The following SLC35F3 variants were observed in gnomAD, a reference collection of about 807,000 sequenced individuals.
SLC35F3 encodes the protein solute carrier family 35 member F3.
Under a neutral mutation model 49.9 loss-of-function variants are expected in SLC35F3, and 25 were observed. The observed-to-expected ratio is 0.50, with a 90% CI of 0.37 to 0.70. The LOEUF (loss-of-function observed/expected upper bound fraction) is 0.70, where lower values mean the gene tolerates loss of function less well. SLC35F3 is among the 30% of genes least tolerant of loss of function. The pLI, the probability that SLC35F3 is intolerant of heterozygous loss-of-function variation, is 0.00. For missense variants in SLC35F3, 525 were observed against 639.8 expected, an observed-to-expected ratio of 0.82 and a Z score of 1.94; for synonymous variants, 275 against 265.4, an observed-to-expected ratio of 1.04 and a Z score of -0.35.
chr1:234,078,816 A>T (rs1002029280), intron 2 of SLC35F3, among the ~76,000 whole-genome samples: 3 of 152,240 alleles, frequency 2.0e-5, no homozygotes, highest in African/African-American at 7.2e-5. Flanking sequence ...AAGGAAAAGC[A>T]GTCACTGAAC....
rs1183230091 is a variant in SLC35F3, at chr1:234,098,288, A to ATGG, written c.284-133124_284-133122dup. Among the ~76,000 whole-genome samples, 109 of 95,160 alleles carry ATGG rather than the reference A, an allele frequency of 1.1e-3. 1 individual carries two copies. In the South Asian group the frequency reaches 0.015, roughly 13 times the overall value. The allele number at this position is 95,160 out of a possible 152,430, so 62.4% of individuals were successfully genotyped here. On this transcript the variant is annotated intron_variant, in intron 2 of 7. Transcript: ENST00000366618. Reference sequence around the variant, plus strand: ...GGTGGTGGTGGTGGTGGCAGTTCAGATGGTGGTAGTGATGGTGTTATAGGG... The same window carrying ATGG: ...GGTGGTGGTGGTGGTGGCAGTTCAGATGGTGGTGGTAGTGATGGTGTTATAGGG...
intron 2 of SLC35F3, among the ~76,000 whole-genome samples, chr1:234,193,128 A>C (rs1410868960): frequency 6.6e-6 from 1 of 152,218 alleles, no homozygotes; most frequent in African/African-American, 2.4e-5. Context: ...AAGAGCTCAC[A>C]TAGCCAAAGC....
intron 2 of SLC35F3, among the ~76,000 whole-genome samples, chr1:234,135,517 A>G (rs1665797632): frequency 6.6e-6 from 1 of 152,196 alleles, no homozygotes; most frequent in South Asian, 2.1e-4. Context: ...GACCCAGCAT[A>G]TATGGTCATA....
chr1:233,908,111 G>C (rs1661805393), intron 2 of SLC35F3, among the ~76,000 whole-genome samples: 1 of 151,796 alleles, frequency 6.6e-6, no homozygotes, highest in South Asian at 2.1e-4. Flanking sequence ...TTACCTGTAG[G>C]TATCACCTAG....
chr1:234,119,566 CT>C (rs1665542716), intron 2 of SLC35F3, among the ~76,000 whole-genome samples: 1 of 152,136 alleles, frequency 6.6e-6, no homozygotes, highest in Non-Finnish European at 1.5e-5. Flanking sequence ...ATAGGCTGAG[CT>C]GAAAGGAAAA....
chr1:234,130,888 T>G (rs959714761), intron 2 of SLC35F3, among the ~76,000 whole-genome samples: 7 of 152,118 alleles, frequency 4.6e-5, no homozygotes, highest in African/African-American at 1.4e-4. Flanking sequence ...TTAGTCATAA[T>G]AGTTAAAACG....
At chr1:234,146,831 T>C (rs1469379437) in intron 2 of SLC35F3, among the ~76,000 whole-genome samples, 3 of 152,118 alleles carry the variant, frequency 2.0e-5, no homozygotes, top group Non-Finnish European at 4.4e-5. Context: ...TCTTTCCATA[T>C]GTCTTTCAGT....
intron 2 of SLC35F3, among the ~76,000 whole-genome samples, chr1:234,189,034 C>T (rs973822805): frequency 7.2e-5 from 11 of 152,106 alleles, no homozygotes; most frequent in African/African-American, 2.7e-4. Flanking sequence ...GGGAGCACCC[C>T]ATGGGACAAA....
intron 2 of SLC35F3, among the ~76,000 whole-genome samples, chr1:233,994,665 A>G (rs1210860475): frequency 6.6e-6 from 1 of 152,208 alleles, no homozygotes; most frequent in African/African-American, 2.4e-5. Context: ...GATTACATCT[A>G]GAGAGGTTTC....
chr1:234,041,646 C>G (rs1664223082), intron 2 of SLC35F3, among the ~76,000 whole-genome samples: 1 of 152,136 alleles, frequency 6.6e-6, no homozygotes. Flanking sequence ...CTTGCAAATA[C>G]TCTTCTAATC....
chr1:234,137,665 G>A (rs1426568198), intron 2 of SLC35F3, among the ~76,000 whole-genome samples: 1 of 152,202 alleles, frequency 6.6e-6, no homozygotes, highest in African/African-American at 2.4e-5. Flanking sequence ...TTAGTTACAT[G>A]CTCAGGGAAG....
intron 2 of SLC35F3, among the ~76,000 whole-genome samples, chr1:234,220,308 G>C (rs1667184364): frequency 6.6e-6 from 1 of 152,006 alleles, no homozygotes; most frequent in Non-Finnish European, 1.5e-5. Context: ...GTGTGTGTGT[G>C]TGCTCATGTG....
At chr1:233,994,859 C>A (rs1350767205) in intron 2 of SLC35F3, among the ~76,000 whole-genome samples, 6 of 151,552 alleles carry the variant, frequency 4.0e-5, no homozygotes, top group African/African-American at 1.2e-4. Context: ...AAAAAAAAAA[C>A]CCAAACCAAA....
intron 3 of SLC35F3, chr1:234,274,397 A>T (rs1490172202): frequency 2.6e-5 from 4 of 152,266 alleles, no homozygotes; most frequent in Non-Finnish European, 5.9e-5. Context: ...ACCAAATGGT[A>T]TAAGACATGG....
rs537151556 is a variant in SLC35F3, at chr1:234,051,435, CTGTT to C, written c.283+145681_283+145684del. Among the ~76,000 whole-genome samples the C allele has an allele frequency of 1.6e-3, 246 of 152,226 alleles. 1 individual carries two copies. Among genetic ancestry groups the C allele is most frequent in the African/African-American group, 5.5e-3 (230 of 41,532 alleles). ...GGGAGTTCACTCATGATTTGGCTCT[CTGTT>C]TGTCTGTTATTGGTGTATAGGAATG... On this transcript the variant is annotated intron_variant, in intron 2 of 7. Transcript: ENST00000366618.
intron 3 of SLC35F3, among the ~76,000 whole-genome samples, chr1:234,266,270 A>G (rs998496818): frequency 1.3e-5 from 2 of 152,258 alleles, no homozygotes; most frequent in African/African-American, 2.4e-5. Context: ...GAAAATGGGC[A>G]AAAGATTTTG....
Position 234,320,709 on chromosome 1 carries a change from G to T in SLC35F3, c.1237+522G>T, listed in dbSNP as rs557674472. 6.6e-6 allele frequency among the ~76,000 whole-genome samples: 1 copy of T among 152,286 alleles called. No individual in the cohort carries two copies. Among genetic ancestry groups the T allele is most frequent in the Admixed American group, 6.5e-5 (1 of 15,300 alleles). On this transcript the variant is annotated intron_variant, in intron 7 of 7. Transcript: ENST00000366618. The surrounding 1 kb of genome is among the most constrained non-coding windows in gnomAD (Gnocchi z 4.8). Reference sequence around the variant, plus strand: ...TTTTCCCTGACCTCCGGGAAGACAGGGAGAGAACGCCCTTTGCCCAGGAAC... The same window carrying T: ...TTTTCCCTGACCTCCGGGAAGACAGTGAGAGAACGCCCTTTGCCCAGGAAC...
Position 234,231,448 on chromosome 1 carries a change from G to C in SLC35F3, c.315G>C (p.Pro105=). The C allele has an allele frequency of 6.2e-7, 1 of 1,604,726 alleles. No individual in the cohort carries two copies. The highest frequency in any genetic ancestry group is 8.5e-7 in the Non-Finnish European group (1 of 1,175,540). Residue 105 remains proline (P), a synonymous_variant, in exon 3 of 8, where the codon CCG becomes CCC. Transcript: ENST00000366618. This position sits in a 1 kb window ranked among gnomAD's most constrained non-coding sequence, Gnocchi z 5.4. The part of the protein sequence containing the change: ...REERPRDSPG[P]AEAQAPAGVE... ...AGCGCCCCCGGGACTCCCCGGGCCCGGCGGAGGCCCAGGCACCGGCCGGGG... is the reference window on the plus strand; with the variant it reads ...AGCGCCCCCGGGACTCCCCGGGCCCCGCGGAGGCCCAGGCACCGGCCGGGG...
At chr1:234,186,776 C>A (rs113319990) in intron 2 of SLC35F3, among the ~76,000 whole-genome samples, 1 of 152,114 alleles carries the variant, frequency 6.6e-6, no homozygotes, top group African/African-American at 2.4e-5. Context: ...CTCCTTTAAA[C>A]CTCACAGCAA....
Sources: allele counts gnomAD v4.1 joint callset (sites outside exome capture counted in the v4.1 genomes callset), GRCh38; gene constraint gnomAD v4.1.1; non-coding constraint Gnocchi (gnomAD v3.1); transcripts MANE v1.5; gene names NCBI Gene and HGNC (gene_info 2026-07-23, HGNC 2026-07-21).